The following ZBTB20 variants were observed in gnomAD, a reference collection of about 807,000 sequenced individuals.
ZBTB20 encodes zinc finger and BTB domain-containing protein 20.
A neutral mutation model predicts 56.9 loss-of-function variants in ZBTB20; 9 were observed. The observed-to-expected ratio is 0.16, with a 90% confidence interval of 0.10 to 0.28. ZBTB20 has a LOEUF of 0.28. ZBTB20 is among the 10% of genes least tolerant of loss of function. The probability of loss-of-function intolerance (pLI) is 1.00; values close to 1 mark genes in which losing one functional copy is unlikely to be tolerated. For synonymous variants in ZBTB20, 417 were observed against 420.7 expected, an observed-to-expected ratio of 0.99 and a Z score of 0.11; for missense variants, 655 against 1,003.0, an observed-to-expected ratio of 0.65 and a Z score of 4.69.
intron 7 of ZBTB20, among the ~76,000 whole-genome samples, chr3:114,402,446 T>C (rs550990982): frequency 2.0e-5 from 3 of 152,162 alleles, no homozygotes; most frequent in Non-Finnish European, 4.4e-5. Context: ...AGTATTCCTA[T>C]CTGCAAATCT....
rs1429034637 is a variant in ZBTB20, at chr3:114,940,872, T to C, written c.-456+33494A>G. 1.4e-5 allele frequency among the ~76,000 whole-genome samples: 2 copies of C among 146,000 alleles called. 1 individual carries two copies. The highest frequency in any genetic ancestry group is 5.6e-5 in the African/African-American group (2 of 35,804). ...AAGAAATGCATTCAGGGACCTTAGGTTGCCTATTCTTAATAAGATGGAATC... is the reference window on the plus strand; with the variant it reads ...AAGAAATGCATTCAGGGACCTTAGGCTGCCTATTCTTAATAAGATGGAATC... On this transcript the variant is annotated intron_variant, in intron 3 of 11. Coordinates refer to ENST00000675478, the MANE Select transcript of ZBTB20 (RefSeq NM_001348800.3).
At chr3:114,378,752 G>A (rs2083962434) in intron 10 of ZBTB20, among the ~76,000 whole-genome samples, 1 of 152,174 alleles carries the variant, frequency 6.6e-6, no homozygotes, top group Admixed American at 6.5e-5. Context: ...ACATGCCTAT[G>A]GGCACTGTGC....
intron 5 of ZBTB20, among the ~76,000 whole-genome samples, chr3:114,728,159 T>C (rs766275704): frequency 1.3e-5 from 2 of 152,122 alleles, no homozygotes; most frequent in Non-Finnish European, 2.9e-5. Flanking sequence ...TCAATGTAAA[T>C]TCCTAGGAGG....
chr3:114,986,908 T>C (rs1576493634), intron 2 of ZBTB20, among the ~76,000 whole-genome samples: 1 of 152,142 alleles, frequency 6.6e-6, no homozygotes, highest in African/African-American at 2.4e-5. Context: ...GCCAATCAGC[T>C]TTCATTATCA....
intron 6 of ZBTB20, among the ~76,000 whole-genome samples, chr3:114,515,771 C>G (rs938375838): frequency 1.3e-5 from 2 of 152,148 alleles, no homozygotes; most frequent in African/African-American, 4.8e-5. Flanking sequence ...CTTATTATAT[C>G]AGTTACTTTT....
At chr3:115,049,796 G>A (rs1216060000) in intron 2 of ZBTB20, among the ~76,000 whole-genome samples, 1 of 152,092 alleles carries the variant, frequency 6.6e-6, no homozygotes, top group Non-Finnish European at 1.5e-5. Context: ...ATTTAGGAAA[G>A]ATTTATTAGC....
intron 10 of ZBTB20, among the ~76,000 whole-genome samples, chr3:114,357,661 G>A (rs1164646198): frequency 1.3e-5 from 2 of 152,166 alleles, no homozygotes; most frequent in African/African-American, 4.8e-5. Context: ...AAAGGGGTCT[G>A]TGTTTTCCCC....
intron 6 of ZBTB20, among the ~76,000 whole-genome samples, chr3:114,634,746 C>T (rs540754138): frequency 6.6e-6 from 1 of 152,314 alleles, no homozygotes; most frequent in African/African-American, 2.4e-5. Flanking sequence ...TAGCTCAACA[C>T]TGAGAGGACT....
At chr3:114,632,262 T>G (rs2058999500) in intron 6 of ZBTB20, among the ~76,000 whole-genome samples, 1 of 152,202 alleles carries the variant, frequency 6.6e-6, no homozygotes, top group African/African-American at 2.4e-5. Flanking sequence ...CAGGTGGTTA[T>G]CCTTATGATT....
At chr3:114,844,472 G>A (rs946251664) in intron 4 of ZBTB20, among the ~76,000 whole-genome samples, 5 of 105,724 alleles carry the variant, frequency 4.7e-5, no homozygotes, top group Admixed American at 1.5e-4. Flanking sequence ...AGTGAGCTAT[G>A]ATCATGCCAC....
chr3:114,745,017 ACAT>A (rs1486235597), intron 5 of ZBTB20, among the ~76,000 whole-genome samples: 1 of 152,164 alleles, frequency 6.6e-6, no homozygotes, highest in African/African-American at 2.4e-5. Context: ...TCTTTGAAAA[ACAT>A]CAGGGATAAA....
At position 114,562,177 on chromosome 3, in the gene ZBTB20, A is replaced by AT. The variant is rs1335224940; in HGVS notation, c.-294-61787dup. Among the ~76,000 whole-genome samples the AT allele has an allele frequency of 5.9e-3, 806 of 136,432 alleles. 4 individuals carry two copies. Among genetic ancestry groups the AT allele is most frequent in the African/African-American group, 0.013 (490 of 37,002 alleles). The allele number at this position is 136,432 out of a possible 152,430, so 89.5% of individuals were successfully genotyped here. ...TTAAGGGAATGTTGTGGCTGGTTTG[A>AT]TTTTTTTTTTTTTTTTGAGACGGTG... is the stretch of plus-strand genomic sequence containing the variant. On this transcript the variant is annotated intron_variant, in intron 6 of 11. Coordinates refer to ENST00000675478, the MANE Select transcript of ZBTB20 (RefSeq NM_001348800.3).
intron 1 of ZBTB20, among the ~76,000 whole-genome samples, chr3:115,118,807 G>A (rs2084099580): frequency 7.4e-6 from 1 of 135,030 alleles, no homozygotes; most frequent in Admixed American, 8.7e-5. Context: ...TGCAAGCTCC[G>A]CCTCCCGGGC....
At chr3:114,988,653 C>A (rs9758393) in intron 2 of ZBTB20, among the ~76,000 whole-genome samples, 13,833 of 152,100 alleles carry the variant, frequency 0.091, 1,841 homozygotes, top group African/African-American at 0.29. Flanking sequence ...ATTTCTAGTT[C>A]TAGATCCTTG....
At chr3:114,816,502 C>T (rs1363569420) in intron 4 of ZBTB20, among the ~76,000 whole-genome samples, 1 of 152,054 alleles carries the variant, frequency 6.6e-6, no homozygotes, top group African/African-American at 2.4e-5. Flanking sequence ...TCAATGCAGA[C>T]ATTAAAAATT....
chr3:114,525,139 CATTT>C (rs754114538), intron 6 of ZBTB20, among the ~76,000 whole-genome samples: 50 of 152,144 alleles, frequency 3.3e-4, no homozygotes, highest in Middle Eastern at 6.8e-3. Flanking sequence ...TTAACTTGTT[CATTT>C]ATTTGTTTGC....
At chr3:114,722,593 A>G (rs912056397) in intron 5 of ZBTB20, among the ~76,000 whole-genome samples, 41 of 152,222 alleles carry the variant, frequency 2.7e-4, no homozygotes, top group African/African-American at 8.9e-4. Flanking sequence ...AGTGGGATAC[A>G]TATTAAAGAA....
At chr3:114,879,961 AT>A (rs2076337814) in intron 4 of ZBTB20, among the ~76,000 whole-genome samples, 1 of 152,012 alleles carries the variant, frequency 6.6e-6, no homozygotes, top group Non-Finnish European at 1.5e-5. Flanking sequence ...TCCAAAACTG[AT>A]TTTTTTCCTC....
chr3:114,490,185 T>C (rs2042578044), intron 7 of ZBTB20, among the ~76,000 whole-genome samples: 1 of 152,042 alleles, frequency 6.6e-6, no homozygotes, highest in African/African-American at 2.4e-5. Flanking sequence ...TCTTGTGTAG[T>C]TAATATGCTT....
Sources: allele counts gnomAD v4.1 joint callset (sites outside exome capture counted in the v4.1 genomes callset), GRCh38; gene constraint gnomAD v4.1.1; transcripts MANE v1.5; gene names NCBI Gene and HGNC (gene_info 2026-07-23, HGNC 2026-07-21).